CRTAC1: variants seen among roughly 807,000 people sequenced by gnomAD.
The protein encoded by CRTAC1 is acidic secreted protein in cartilage.
A neutral mutation model predicts 67.8 loss-of-function variants in CRTAC1; 37 were observed. The ratio of observed to expected loss-of-function variants is 0.55; its 90% CI spans 0.42 to 0.72. The LOEUF is 0.72. CRTAC1 is among the 30% of genes least tolerant of loss of function. The pLI is 0.00. For synonymous variants in CRTAC1, 348 were observed against 371.0 expected, an observed-to-expected ratio of 0.94 and a Z score of 0.71; for missense variants, 780 against 931.6, an observed-to-expected ratio of 0.84 and a Z score of 2.12.
At position 97,923,364 on chromosome 10, in the gene CRTAC1, C is replaced by A. The variant is rs371860011; in HGVS notation, c.458G>T (p.Arg153Leu). 3 of 1,614,002 alleles carry A rather than the reference C, an allele frequency of 1.9e-6. No individual in the cohort carries two copies. Among genetic ancestry groups the A allele is most frequent in the African/African-American group, 1.3e-5 (1 of 74,910 alleles). Residue 153 changes from arginine to leucine, a missense_variant, in exon 4 of 15, where the codon CGC becomes CTC. By Grantham distance (102) the Arg-to-Leu change is moderately radical. Coordinates refer to ENST00000370597, the MANE Select transcript of CRTAC1 (RefSeq NM_018058.7). ...CAGGATGTCTTCCCACCGGTTATTGCGGAACTTGAACAACTTGTCGGTGTA... is the reference window on the plus strand; with the variant it reads ...CAGGATGTCTTCCCACCGGTTATTGAGGAACTTGAACAACTTGTCGGTGTA... The part of the protein sequence containing the change: ...ATYTDKLFKF[R>L]NNRWEDILSD...
chr10:97,947,823 T>C (rs2051288075), intron 2 of CRTAC1, among the ~76,000 whole-genome samples: 2 of 152,134 alleles, frequency 1.3e-5, no homozygotes, highest in Admixed American at 1.3e-4. Flanking sequence ...GAAGCCAAGT[T>C]GGGAGGATCG....
chr10:97,909,380 G>A (rs11595651), intron 5 of CRTAC1, among the ~76,000 whole-genome samples: 3,073 of 152,258 alleles, frequency 0.02, 42 homozygotes, highest in Non-Finnish European at 0.035. Flanking sequence ...CCCCAGCCTG[G>A]CTTCTAACAA....
At chr10:98,027,886 G>A (rs1350675442) in intron 1 of CRTAC1, among the ~76,000 whole-genome samples, 1 of 152,248 alleles carries the variant, frequency 6.6e-6, no homozygotes. Context: ...GAATCGAGCA[G>A]TGGGAATCCT....
At chr10:98,001,095 T>G (rs1842679037) in intron 2 of CRTAC1, among the ~76,000 whole-genome samples, 2 of 152,216 alleles carry the variant, frequency 1.3e-5, no homozygotes, top group African/African-American at 4.8e-5. Context: ...TTCATGATAA[T>G]GGGTCCGTTC....
intron 2 of CRTAC1, among the ~76,000 whole-genome samples, chr10:97,956,063 T>G (rs2051434970): frequency 6.6e-6 from 1 of 152,184 alleles, no homozygotes; most frequent in Non-Finnish European, 1.5e-5. Flanking sequence ...CACACCTGCT[T>G]CTGTTAAAGG....
At chr10:97,886,952 T>C (rs2050295095) in intron 11 of CRTAC1, among the ~76,000 whole-genome samples, 2 of 143,166 alleles carry the variant, frequency 1.4e-5, no homozygotes, top group Non-Finnish European at 3.1e-5. Flanking sequence ...GCCAGATTTC[T>C]TTTTTTTTTT....
At chr10:97,939,669 G>A (rs574293) in intron 2 of CRTAC1, among the ~76,000 whole-genome samples, 33,394 of 151,654 alleles carry the variant, frequency 0.22, 3,764 homozygotes, top group African/African-American at 0.25. Flanking sequence ...TTCCCTCCCC[G>A]CTTCTTCTTG....
At chr10:97,983,180 A>G (rs2051924441) in intron 2 of CRTAC1, among the ~76,000 whole-genome samples, 1 of 152,250 alleles carries the variant, frequency 6.6e-6, no homozygotes, top group Non-Finnish European at 1.5e-5. Flanking sequence ...AAAGCCCACC[A>G]GTAGACTCTC....
intron 6 of CRTAC1, among the ~76,000 whole-genome samples, chr10:97,906,082 G>A (rs919530377): frequency 3.3e-5 from 5 of 152,198 alleles, no homozygotes; most frequent in African/African-American, 1.2e-4. Flanking sequence ...AGAGACCCCA[G>A]GACACAGGGA....
chr10:97,983,240 C>T (rs939374892), intron 2 of CRTAC1, among the ~76,000 whole-genome samples: 4 of 152,074 alleles, frequency 2.6e-5, no homozygotes, highest in Non-Finnish European at 5.9e-5. Context: ...CCCTGGAATG[C>T]CCTTAGAAGT....
chr10:97,895,516 G>T lies in CRTAC1; in HGVS notation c.1318-103C>A. 1 of 1,042,756 alleles carries T rather than the reference G, an allele frequency of 9.6e-7. No individual in the cohort carries two copies. Among genetic ancestry groups the T allele is most frequent in the Non-Finnish European group, 1.4e-6 (1 of 719,904 alleles). The allele number at this position is 1,042,756 out of a possible 1,614,324, so 64.6% of individuals were successfully genotyped here. A position where few individuals can be genotyped will look rare whatever the true frequency, so the allele number is the denominator to read the frequency against. On this transcript the variant is annotated intron_variant, in intron 10 of 14. Transcript: ENST00000370597. The surrounding 1 kb of genome is among the most constrained non-coding windows in gnomAD (Gnocchi z 4.2). Reference sequence around the variant, plus strand: ...GGAGGGGGAGAGGGAGAAGAAGGAGGAAGAGAAGAAAGCAGGCAGAGGAAA... The same window carrying T: ...GGAGGGGGAGAGGGAGAAGAAGGAGTAAGAGAAGAAAGCAGGCAGAGGAAA...
intron 4 of CRTAC1, among the ~76,000 whole-genome samples, chr10:97,919,560 C>T (rs963900264): frequency 6.6e-6 from 1 of 152,088 alleles, no homozygotes; most frequent in Non-Finnish European, 1.5e-5. Context: ...AGTCTTTATG[C>T]TGCTACCCGG....
intron 1 of CRTAC1, among the ~76,000 whole-genome samples, chr10:98,028,663 G>GA (rs1843291010): frequency 6.6e-6 from 1 of 152,246 alleles, no homozygotes; most frequent in African/African-American, 2.4e-5. Context: ...GAGAAGGGAA[G>GA]AAAGAGCAAC....
At chr10:97,906,494 C>G (rs77030172) in intron 6 of CRTAC1, among the ~76,000 whole-genome samples, 1 of 152,196 alleles carries the variant, frequency 6.6e-6, no homozygotes, top group Non-Finnish European at 1.5e-5. Context: ...CACCTTGCCT[C>G]TCTCCTCCCG....
intron 2 of CRTAC1, among the ~76,000 whole-genome samples, chr10:97,946,082 A>C (rs966538842): frequency 6.6e-6 from 1 of 152,234 alleles, no homozygotes; most frequent in Non-Finnish European, 1.5e-5. Context: ...TTTGCTGATG[A>C]TGACGAAGAC....
intron 2 of CRTAC1, among the ~76,000 whole-genome samples, chr10:98,005,100 A>ATATATATATATTTTTTTTTTTT: frequency 8.2e-5 from 4 of 48,884 alleles, no homozygotes; most frequent in African/African-American, 2.3e-4. Flanking sequence ...ATATATATAT[A>ATATATATATATTTTTTTTTTTT]TTTTTTTTTT....
chr10:97,959,206 G>GAA (rs1188964580), intron 2 of CRTAC1, among the ~76,000 whole-genome samples: 1 of 152,092 alleles, frequency 6.6e-6, no homozygotes, highest in Non-Finnish European at 1.5e-5. Flanking sequence ...TCATTGGGAG[G>GAA]ACACACAAAT....
At chr10:97,908,384 G>A (rs1253921751) in intron 5 of CRTAC1, among the ~76,000 whole-genome samples, 1 of 152,292 alleles carries the variant, frequency 6.6e-6, no homozygotes, top group East Asian at 1.9e-4. Flanking sequence ...CCGGGCATGG[G>A]GACCCCACAC....
chr10:97,921,666 T>C (rs2050838711), intron 4 of CRTAC1, among the ~76,000 whole-genome samples: 1 of 152,196 alleles, frequency 6.6e-6, no homozygotes. Flanking sequence ...GCTGCATTCC[T>C]CTCTGTCAAC....
Sources: allele counts gnomAD v4.1 joint callset (sites outside exome capture counted in the v4.1 genomes callset), GRCh38; gene constraint gnomAD v4.1.1; non-coding constraint Gnocchi (gnomAD v3.1); transcripts MANE v1.5; gene names NCBI Gene and HGNC (gene_info 2026-07-23, HGNC 2026-07-21).